The following CINP variants were observed in gnomAD, a reference collection of about 807,000 sequenced individuals.
CINP encodes the protein cyclin-dependent kinase 2-interacting protein.
CINP carries 11 observed loss-of-function variants against 20.5 expected under a neutral mutation model. The observed-to-expected ratio is 0.54, with a 90% CI of 0.34 to 0.89. CINP has a LOEUF of 0.89. Ranked by LOEUF, CINP falls within the 40% of genes least tolerant of loss-of-function variation. CINP has a pLI of 0.02. For synonymous variants in CINP, 108 were observed against 102.1 expected (o/e 1.06, Z -0.35); for missense variants, 213 against 251.0 (o/e 0.85, Z 1.02).
rs1402185398 is a variant in CINP, at chr14:102,351,261, C to T, written c.307-1213G>A. On this transcript the variant is annotated intron_variant, in intron 3 of 4. Coordinates refer to ENST00000216756, the MANE Select transcript of CINP (RefSeq NM_032630.3). This position sits in a 1 kb window ranked among gnomAD's most constrained non-coding sequence, Gnocchi z 4.2. ...CGTGGCAAGCTGCCATTGACGGTCC[C>T]TCAGTGTGGACCAGGCTCTGTCCTA... is the stretch of plus-strand genomic sequence containing the variant. Among the ~76,000 whole-genome samples, 1 of 152,216 alleles carries T rather than the reference C, an allele frequency of 6.6e-6. No homozygotes were observed. Among genetic ancestry groups the T allele is most frequent in the Non-Finnish European group, 1.5e-5 (1 of 68,042 alleles).
At chr14:102,355,968 C>G (rs985246277) in intron 2 of CINP, 71 bp from the exon 3 acceptor site, 39 of 1,498,130 alleles carry the variant, frequency 2.6e-5, no homozygotes, top group Admixed American at 2.2e-4. Context: ...ATAATAAATT[C>G]TACAAACCTC....
chr14:102,359,544 A>G lies in CINP; in HGVS notation c.51T>C (p.Ser17=). The part of the protein sequence containing the change: ...GTVTPRKPVL[S]VSARKIKDNA... ...TGTCCTTAATTTTTCTTGCACTGAC[A>G]GATAAGACAGGTTTTCTGGGCGTTA... The change falls in exon 2 of 5, where the codon TCT becomes TCC. Residue 17 remains serine (S), a synonymous_variant. Transcript: ENST00000216756. The G allele has an allele frequency of 1.9e-6, 3 of 1,613,098 alleles. No individual in the cohort carries two copies. The highest frequency in any genetic ancestry group is 2.5e-6 in the Non-Finnish European group (3 of 1,179,514).
At position 102,348,322 on chromosome 14, in the gene CINP, C is replaced by T. The variant is rs535384057; in HGVS notation, c.*235G>A. 1,192 of 552,060 alleles carry T rather than the reference C, an allele frequency of 2.2e-3. 2 individuals are homozygous for T. Among genetic ancestry groups the T allele is most frequent in the Admixed American group, 4.7e-3 (146 of 31,020 alleles). The allele number at this position is 552,060 out of a possible 1,614,324, so 34.2% of individuals were successfully genotyped here. A position where few individuals can be genotyped will look rare whatever the true frequency, so the allele number is the denominator to read the frequency against. ...CATTGATTTTACTCTGAAGCACCCA[C>T]GAATGACAGATTCCCAGGAGGGGCA... On this transcript the variant is annotated 3_prime_UTR_variant, in exon 5 of 5. Transcript: ENST00000216756.
At position 102,362,888 on chromosome 14, in the gene CINP, C is replaced by G. The variant is rs960704052; in HGVS notation, c.-37G>C. On this transcript the variant is annotated 5_prime_UTR_variant, in exon 1 of 5. Coordinates refer to ENST00000216756, the MANE Select transcript of CINP (RefSeq NM_032630.3). ...ATATCCGTAGAAGGAGACGCGAAGC[C>G]CCGCCCACCCCACCGGAAACGCATT... 1 of 1,613,222 alleles carries G rather than the reference C, an allele frequency of 6.2e-7. No individual in the cohort carries two copies. The highest frequency in any genetic ancestry group is 8.5e-7 in the Non-Finnish European group (1 of 1,179,520).
chr14:102,362,575 A>G (rs1019541128), intron 1 of CINP: 5 of 704,434 alleles, frequency 7.1e-6, no homozygotes, highest in African/African-American at 3.5e-5. Flanking sequence ...AATAATTACA[A>G]TTTGGATGTC....
chr14:102,361,482 A>T (rs1485535054), intron 1 of CINP, among the ~76,000 whole-genome samples: 1 of 152,148 alleles, frequency 6.6e-6, no homozygotes, highest in South Asian at 2.1e-4. Context: ...TACTAAAAAA[A>T]TACAAAAAAT....
intron 3 of CINP, among the ~76,000 whole-genome samples, chr14:102,354,406 CA>C (rs61156692): frequency 2.6e-5 from 4 of 152,116 alleles, no homozygotes; most frequent in Non-Finnish European, 5.9e-5. Context: ...ACCAAAAGGA[CA>C]ATAGTGATTG....
At chr14:102,356,039 T>C (rs1254197196) in intron 2 of CINP, 142 bp from the exon 3 acceptor site, 7 of 846,646 alleles carry the variant, frequency 8.3e-6, no homozygotes, top group Non-Finnish European at 1.1e-5. Flanking sequence ...ATCATTATGA[T>C]ACAAATGCAG....
chr14:102,350,031 T>G lies in CINP; in HGVS notation c.324A>C (p.Lys108Asn). 1 of 1,613,346 alleles carries G rather than the reference T, an allele frequency of 6.2e-7. No homozygotes were observed. The highest frequency in any genetic ancestry group is 8.5e-7 in the Non-Finnish European group (1 of 1,179,408). ...TLDGLTKIQVKMEKLSSTTKG... is the reference protein window; with the variant it reads ...TLDGLTKIQVNMEKLSSTTKG... Reference sequence around the variant, plus strand: ...TGGTAGTTGAAGACAGCTTTTCCATTTTCACCTGTATTTTGGTCTGAAAGA... The same window carrying G: ...TGGTAGTTGAAGACAGCTTTTCCATGTTCACCTGTATTTTGGTCTGAAAGA... Residue 108 changes from lysine to asparagine, a missense_variant, in exon 4 of 5, where the codon AAA (lysine) becomes AAC (asparagine). Coordinates refer to ENST00000216756, the MANE Select transcript of CINP (RefSeq NM_032630.3).
rs562361918 is a variant in CINP, at chr14:102,359,519, T to C, written c.76A>G (p.Asn26Asp). 6.2e-7 allele frequency: 1 copy of C among 1,613,422 alleles called. No homozygotes were observed. Among genetic ancestry groups the C allele is most frequent in the African/African-American group, 1.3e-5 (1 of 75,014 alleles). ...ATTAAATTGTGCCAATCAGCCGCAT[T>C]GTCCTTAATTTTTCTTGCACTGACA... ...LSVSARKIKD[N>D]AADWHNLILK... Residue 26 changes from asparagine (N) to aspartate (D), a missense_variant, in exon 2 of 5, where the codon AAT becomes GAT. Transcript: ENST00000216756.
rs1466597385 is a variant in CINP, at chr14:102,348,670, G to A, written c.526C>T (p.Pro176Ser). ...VAKELAHTGD[P>S]DLTLSYLSMW... ...GACAGGTAGCTCAGGGTGAGGTCGG[G>A]ATCCCCGGTGTGGGCAAGCTCCTTG... is the stretch of plus-strand genomic sequence containing the variant. Residue 176 changes from proline to serine, a missense_variant, in exon 5 of 5, where the codon CCC (proline) becomes TCC (serine). By Grantham distance (74) the Pro-to-Ser change is moderately conservative. Transcript: ENST00000216756. 18 of 1,613,922 alleles carry A rather than the reference G, an allele frequency of 1.1e-5. No individual in the cohort carries two copies. The highest frequency in any genetic ancestry group is 1.4e-5 in the Non-Finnish European group (17 of 1,179,974).
chr14:102,355,835 A>C lies in CINP; in HGVS notation c.239T>G (p.Val80Gly). 1 of 1,614,094 alleles carries C rather than the reference A, an allele frequency of 6.2e-7. No homozygotes were observed. Residue 80 changes from valine to glycine, a missense_variant, in exon 3 of 5, where the codon GTG (valine) becomes GGG (glycine). Val to Gly is a moderately radical substitution (Grantham distance 109). Transcript: ENST00000216756. The stretch of plus-strand genomic sequence containing the variant: ...CAGTTCCTCGTTATATTCCAGACAC[A>C]CCTTTTCTTCATTTTCCTTCGAGGC... ...SPASKENEEK[V>G]CLEYNEELEK... is the part of the protein sequence containing the mutation.
In CINP at chr14:102,351,291, C is replaced by G. The variant is rs1287690054; in HGVS notation, c.307-1243G>C. ...TGTGGACCAGGCTCTGTCCTAAGCCCTGTAACTGCATGATGTGTATGGCTA... is the reference window on the plus strand; with the variant it reads ...TGTGGACCAGGCTCTGTCCTAAGCCGTGTAACTGCATGATGTGTATGGCTA... On this transcript the variant is annotated intron_variant, in intron 3 of 4. Coordinates refer to ENST00000216756, the MANE Select transcript of CINP (RefSeq NM_032630.3). This position sits in a 1 kb window ranked among gnomAD's most constrained non-coding sequence, Gnocchi z 4.2. 6.6e-6 allele frequency among the ~76,000 whole-genome samples: 1 copy of G among 152,200 alleles called. No individual in the cohort carries two copies. The highest frequency in any genetic ancestry group is 2.4e-5 in the African/African-American group (1 of 41,446).
At chr14:102,362,646 A>T (rs1388103620) in intron 1 of CINP, 199 bp downstream of exon 1, 2 of 733,172 alleles carry the variant, frequency 2.7e-6, no homozygotes, top group Non-Finnish European at 5.0e-6. Flanking sequence ...ACATGTGAAA[A>T]AACGGAGGCT....
rs1249626155 is a variant in CINP at position 102,351,126 on chromosome 14, ACT to A, written c.307-1080_307-1079del. Among the ~76,000 whole-genome samples the A allele has an allele frequency of 6.6e-6, 1 of 151,734 alleles. No homozygotes were observed. Among genetic ancestry groups the A allele is most frequent in the Non-Finnish European group, 1.5e-5 (1 of 67,912 alleles). ...GGCATGAGACACCGCACCAGGCCTG[ACT>A]CTCTCTTATTAACTGCCTTTATTTA... On this transcript the variant is annotated intron_variant, in intron 3 of 4. Coordinates refer to ENST00000216756, the MANE Select transcript of CINP (RefSeq NM_032630.3). The surrounding 1 kb of genome is among the most constrained non-coding windows in gnomAD (Gnocchi z 4.2).
chr14:102,362,530 C>A, intron 1 of CINP: 1 of 702,734 alleles, frequency 1.4e-6, no homozygotes, highest in East Asian at 2.7e-5. Flanking sequence ...AGGCTTGGTA[C>A]CCAGTGAACT....
intron 4 of CINP, among the ~76,000 whole-genome samples, chr14:102,349,614 T>C (rs931145275): frequency 7.9e-5 from 12 of 151,910 alleles, no homozygotes; most frequent in Admixed American, 5.9e-4. Flanking sequence ...TTTCTTCCTT[T>C]CCCCCCCTCA....
intron 3 of CINP, among the ~76,000 whole-genome samples, chr14:102,353,137 C>CAA (rs532432783): frequency 8.1e-6 from 1 of 123,668 alleles, no homozygotes; most frequent in African/African-American, 3.0e-5. Context: ...AACTCCATCT[C>CAA]AAAAAAAAAA....
intron 1 of CINP, among the ~76,000 whole-genome samples, chr14:102,360,692 A>G (rs1887120896): frequency 6.6e-6 from 1 of 152,188 alleles, no homozygotes; most frequent in African/African-American, 2.4e-5. Context: ...GCACAAGGCA[A>G]AAACCCAGTA....
Sources: allele counts gnomAD v4.1 joint callset (sites outside exome capture counted in the v4.1 genomes callset), GRCh38; gene constraint gnomAD v4.1.1; non-coding constraint Gnocchi (gnomAD v3.1); transcripts MANE v1.5; gene names NCBI Gene and HGNC (gene_info 2026-07-23, HGNC 2026-07-21).